Variants in MSMB observed in about 807,000 individuals in gnomAD.
MSMB encodes the protein microseminoprotein beta.
A neutral mutation model predicts 10.5 loss-of-function variants in MSMB; 10 were observed. That is an observed-to-expected ratio of 0.95 (90% CI 0.59 to 1.62). MSMB has a LOEUF of 1.62. MSMB is among the 40% of genes most tolerant of loss of function. The pLI is 0.00. For synonymous variants in MSMB, 43 were observed against 46.5 expected (o/e 0.93, Z 0.30); for missense variants, 126 against 137.4 (o/e 0.92, Z 0.42).
intron 1 of MSMB, among the ~76,000 whole-genome samples, chr10:46,044,348 G>A (rs988307927): frequency 2.0e-5 from 3 of 151,560 alleles, no homozygotes; most frequent in Non-Finnish European, 4.4e-5. Flanking sequence ...AGGCCGAGGC[G>A]GGTGGATCAT....
chr10:46,035,619 A>T (rs1840584474), intron 3 of MSMB, among the ~76,000 whole-genome samples: 3 of 152,206 alleles, frequency 2.0e-5, no homozygotes, highest in Admixed American at 2.0e-4. Context: ...TAGAGACAGA[A>T]AGTAGACTTG....
intron 1 of MSMB, among the ~76,000 whole-genome samples, chr10:46,040,429 A>T (rs1448013385): frequency 6.6e-6 from 1 of 152,222 alleles, no homozygotes; most frequent in Non-Finnish European, 1.5e-5. Context: ...ACCAAAATGC[A>T]GTCGCCCATG....
intron 1 of MSMB, among the ~76,000 whole-genome samples, chr10:46,040,349 A>C (rs1366363778): frequency 1.3e-5 from 2 of 152,198 alleles, no homozygotes; most frequent in Admixed American, 6.5e-5. Context: ...TTGAAAGGGA[A>C]GATGGTGTTA....
intron 3 of MSMB, 81 bp from the exon 4 acceptor site, chr10:46,033,632 A>C (rs1840519176): frequency 6.4e-7 from 1 of 1,574,144 alleles, no homozygotes; most frequent in Admixed American, 1.8e-5. Flanking sequence ...TCTGTTCAGG[A>C]AGTCACCCAC....
intron 1 of MSMB, among the ~76,000 whole-genome samples, chr10:46,042,760 C>T (rs1297684856): frequency 1.3e-5 from 2 of 152,166 alleles, no homozygotes; most frequent in Non-Finnish European, 2.9e-5. Context: ...CCACATGTCA[C>T]GACATGAAAT....
intron 1 of MSMB, among the ~76,000 whole-genome samples, chr10:46,042,823 G>A (rs1375258098): frequency 3.9e-5 from 6 of 152,200 alleles, no homozygotes; most frequent in African/African-American, 1.4e-4. Flanking sequence ...AACACACTGA[G>A]GGTTTTGTAC....
At chr10:46,035,684 G>C (rs1840585757) in intron 3 of MSMB, among the ~76,000 whole-genome samples, 1 of 152,216 alleles carries the variant, frequency 6.6e-6, no homozygotes, top group Non-Finnish European at 1.5e-5. Flanking sequence ...AATGGATATA[G>C]AGTTTCAGAT....
Position 46,040,015 on chromosome 10 carries a change from T to C in MSMB, c.80A>G (p.Asn27Ser), listed in dbSNP as rs200303971. 1.7e-4 allele frequency: 278 copies of C among 1,613,742 alleles called. No homozygotes were observed. The highest frequency in any genetic ancestry group is 2.3e-4 in the Non-Finnish European group (271 of 1,179,776). Residue 27 changes from asparagine (N) to serine (S), a missense_variant, in exon 2 of 4, where the codon AAT becomes AGT. Physicochemically the swap from Asn to Ser is conservative, Grantham distance 46 (BLOSUM62 1). Coordinates refer to ENST00000582163, the MANE Select transcript of MSMB (RefSeq NM_002443.4). ...GGTTGAATCTCCTGGAACTCCCTCA[T>C]TAGGTATGAAATAGCATGATGCATT... ...LCNASCYFIPNEGVPGDSTRK... is the reference protein window; with the variant it reads ...LCNASCYFIPSEGVPGDSTRK...
At position 46,040,092 on chromosome 10, in the gene MSMB, C is replaced by A; in HGVS notation, c.4-1G>T. 6.2e-7 allele frequency: 1 copy of A among 1,612,878 alleles called. No homozygotes were observed. The highest frequency in any genetic ancestry group is 1.7e-4 in the Middle Eastern group (1 of 6,060). On this transcript the variant is annotated splice_acceptor_variant, in intron 1 of 3. Coordinates refer to ENST00000582163, the MANE Select transcript of MSMB (RefSeq NM_002443.4). LOFTEE classifies it high-confidence loss of function. ...TCACAACGCTGCCCAGGAGAACATT[C>A]TGTAATGTGAAGAAAGGTCAGGGTG...
chr10:46,045,645 G>C (rs4351762), intron 1 of MSMB, among the ~76,000 whole-genome samples: 148,941 of 152,314 alleles, frequency 0.98, 72,903 homozygotes, highest in Middle Eastern at 1. Context: ...GTATTAAAAT[G>C]ACCTGGGCAG....
chr10:46,040,854 T>G (rs1190215490), intron 1 of MSMB, among the ~76,000 whole-genome samples: 3 of 151,842 alleles, frequency 2.0e-5, no homozygotes, highest in Non-Finnish European at 4.4e-5. Flanking sequence ...CTCGGGAGTC[T>G]GAGGCAGGAG....
rs143558100 is a variant in MSMB, at chr10:46,040,032, T to G, written c.63A>C (p.Ser21=). The G allele has an allele frequency of 6.7e-4, 1,089 of 1,614,046 alleles. 1 individual carries two copies. Among genetic ancestry groups the G allele is most frequent in the Non-Finnish European group, 7.2e-4 (855 of 1,179,904 alleles). ...FATFVTLCNA[S]CYFIPNEGVP... is the part of the protein sequence containing the mutation. ...CTCCCTCATTAGGTATGAAATAGCATGATGCATTGCATAAAGTCACGAAGG... is the reference window on the plus strand; with the variant it reads ...CTCCCTCATTAGGTATGAAATAGCAGGATGCATTGCATAAAGTCACGAAGG... The change falls in exon 2 of 4, where the codon TCA becomes TCC. Residue 21 remains serine (S), a synonymous_variant. Transcript: ENST00000582163.
chr10:46,039,124 C>T, intron 2 of MSMB, 53 bp from the exon 3 acceptor site: 2 of 1,500,374 alleles, frequency 1.3e-6, no homozygotes, highest in Admixed American at 1.7e-5. Flanking sequence ...GAGAACAAGG[C>T]CTATCAGGAC....
chr10:46,041,443 A>G (rs948726584), intron 1 of MSMB, among the ~76,000 whole-genome samples: 7 of 152,082 alleles, frequency 4.6e-5, no homozygotes, highest in African/African-American at 7.2e-5. Context: ...ATTCTGTAAG[A>G]TTGCTAAAAT....
At chr10:46,038,515 C>T (rs1268975868) in intron 3 of MSMB, among the ~76,000 whole-genome samples, 1 of 152,104 alleles carries the variant, frequency 6.6e-6, no homozygotes, top group Non-Finnish European at 1.5e-5. Context: ...GTCTCGATCT[C>T]CTGACCTCGT....
intron 1 of MSMB, among the ~76,000 whole-genome samples, 171 bp downstream of exon 1, chr10:46,046,064 A>G (rs1164849497): frequency 2.1e-4 from 32 of 152,228 alleles, no homozygotes; most frequent in African/African-American, 6.8e-4. Context: ...AATTTTCGCA[A>G]GCTCTCAGAC....
At chr10:46,043,336 G>A (rs1282840196) in intron 1 of MSMB, among the ~76,000 whole-genome samples, 1 of 152,120 alleles carries the variant, frequency 6.6e-6, no homozygotes, top group Non-Finnish European at 1.5e-5. Context: ...ACAGCAGAGA[G>A]CAAATTATTT....
intron 1 of MSMB, among the ~76,000 whole-genome samples, chr10:46,040,775 A>T (rs1039403397): frequency 1.3e-5 from 2 of 152,072 alleles, no homozygotes; most frequent in Non-Finnish European, 2.9e-5. Flanking sequence ...TAACACGGTG[A>T]AACCCCGTCT....
rs782136255 is a variant in MSMB at position 46,033,437 on chromosome 10, A to G, written c.330T>C (p.Ser110=). ...KKDPKKTCSV[S]EWII ...TAGAAGCACATTAGATTATCCATTC[A>G]CTGACAGAACAGGTCTTTTTTGGGT... is the stretch of plus-strand genomic sequence containing the variant. The change falls in exon 4 of 4, where the codon AGT becomes AGC. Residue 110 remains serine, a synonymous_variant. Coordinates refer to ENST00000582163, the MANE Select transcript of MSMB (RefSeq NM_002443.4). The G allele has an allele frequency of 4.3e-5, 70 of 1,613,650 alleles. No homozygotes were observed. The highest frequency in any genetic ancestry group is 5.7e-5 in the Non-Finnish European group (67 of 1,179,694).
Sources: gnomAD v4.1 joint callset for allele counts (sites outside exome capture counted in the v4.1 genomes callset) on GRCh38, gnomAD v4.1.1 for gene constraint, MANE v1.5 for transcripts, NCBI Gene and HGNC (gene_info 2026-07-23, HGNC 2026-07-21) for gene names.